DYNC2H1: variants seen among roughly 807,000 people sequenced by gnomAD.
DYNC2H1 encodes the protein cytoplasmic dynein 2 heavy chain 1.
DYNC2H1 carries 410 observed loss-of-function variants against 570.0 expected under a neutral mutation model. The observed-to-expected ratio is 0.72, with a 90% confidence interval of 0.66 to 0.78. DYNC2H1 has a LOEUF of 0.78. Among genes scored for constraint, DYNC2H1 ranks in the 30% least tolerant of loss-of-function variants. DYNC2H1 has a pLI of 0.00. For missense variants in DYNC2H1, 4,865 were observed against 5,046.4 expected, an observed-to-expected ratio of 0.96 and a Z score of 1.09; for synonymous variants, 1,688 against 1,677.6, an observed-to-expected ratio of 1.01 and a Z score of -0.15.
intron 84 of DYNC2H1, among the ~76,000 whole-genome samples, chr11:103,415,115 G>A (rs1364873348): frequency 1.3e-5 from 2 of 152,302 alleles, no homozygotes; most frequent in South Asian, 4.1e-4. Flanking sequence ...CTAGCCATAT[G>A]TAGAAAGCTG....
rs969274686 is a variant in DYNC2H1 at position 103,465,523 on chromosome 11, T to C, written c.12649-3066T>C. On this transcript the variant is annotated intron_variant, in intron 87 of 88. Coordinates refer to ENST00000375735, the MANE Select transcript of DYNC2H1 (RefSeq NM_001377.3). This position sits in a 1 kb window ranked among gnomAD's most constrained non-coding sequence, Gnocchi z 4.9. ...TTGCTCAAACTAGCTCAAAACTTAGTGGCTTAGAATACCAATTTATTATTT... is the reference window on the plus strand; with the variant it reads ...TTGCTCAAACTAGCTCAAAACTTAGCGGCTTAGAATACCAATTTATTATTT... Among the ~76,000 whole-genome samples the C allele has an allele frequency of 6.6e-6, 1 of 152,144 alleles. No homozygotes were observed. The highest frequency in any genetic ancestry group is 2.4e-5 in the African/African-American group (1 of 41,438).
chr11:103,371,064 A>G (rs1164250376), intron 83 of DYNC2H1, among the ~76,000 whole-genome samples: 1 of 152,152 alleles, frequency 6.6e-6, no homozygotes, highest in Middle Eastern at 3.2e-3. Context: ...AACTCAACAC[A>G]GAGAAGGAGC....
At chr11:103,414,312 A>C (rs1302554912) in intron 84 of DYNC2H1, among the ~76,000 whole-genome samples, 1 of 152,196 alleles carries the variant, frequency 6.6e-6, no homozygotes, top group African/African-American at 2.4e-5. Context: ...GGTGAAATAC[A>C]CAAATTCCTT....
chr11:103,152,405 A>T (rs1186724078), intron 21 of DYNC2H1, 120 bp downstream of exon 21: 1 of 860,588 alleles, frequency 1.2e-6, no homozygotes, highest in African/African-American at 1.8e-5. Flanking sequence ...GTTGAAATTG[A>T]CCTCCCTGAC....
chr11:103,456,952 C>G (rs996842667), intron 87 of DYNC2H1, among the ~76,000 whole-genome samples: 4 of 152,078 alleles, frequency 2.6e-5, no homozygotes, highest in Non-Finnish European at 2.9e-5. Context: ...GACTTGGGTC[C>G]CATCCCCAAG....
intron 82 of DYNC2H1, among the ~76,000 whole-genome samples, chr11:103,349,611 T>C (rs1384327132): frequency 2.0e-5 from 3 of 152,268 alleles, no homozygotes; most frequent in South Asian, 2.1e-4. Context: ...GCAAATAATA[T>C]AGCTCAGTAT....
At chr11:103,415,404 T>A (rs990229083) in intron 84 of DYNC2H1, among the ~76,000 whole-genome samples, 5 of 151,910 alleles carry the variant, frequency 3.3e-5, no homozygotes, top group African/African-American at 7.3e-5. Flanking sequence ...TGGGAGAAAA[T>A]TTTTGCAATC....
intron 20 of DYNC2H1, among the ~76,000 whole-genome samples, chr11:103,150,319 G>A (rs1226721070): frequency 6.8e-6 from 1 of 147,682 alleles, no homozygotes; most frequent in Non-Finnish European, 1.5e-5. Context: ...TGGTGGACAG[G>A]CCAGTTAGTA....
chr11:103,135,958 A>T lies in DYNC2H1; in HGVS notation c.2574+10A>T. On this transcript the variant is annotated intron_variant, in intron 17 of 88. Transcript: ENST00000375735. ...TTTACACCAACATAAGGTATAGAACATGTAATGTTCCATCCTTCCATCATA... is the reference window on the plus strand; with the variant it reads ...TTTACACCAACATAAGGTATAGAACTTGTAATGTTCCATCCTTCCATCATA... 5 of 1,553,056 alleles carry T rather than the reference A, an allele frequency of 3.2e-6. No individual in the cohort carries two copies. Among genetic ancestry groups the T allele is most frequent in the Non-Finnish European group, 4.4e-6 (5 of 1,147,354 alleles).
intron 84 of DYNC2H1, among the ~76,000 whole-genome samples, chr11:103,427,582 G>C (rs1223482197): frequency 6.6e-6 from 1 of 152,084 alleles, no homozygotes; most frequent in Non-Finnish European, 1.5e-5. Flanking sequence ...TGAAAGCTGG[G>C]AAGTCCAAGA....
intron 75 of DYNC2H1, among the ~76,000 whole-genome samples, chr11:103,298,755 A>T (rs1420198821): frequency 6.6e-6 from 1 of 152,154 alleles, no homozygotes; most frequent in Non-Finnish European, 1.5e-5. Flanking sequence ...TTGATTTTAA[A>T]TGTAATTTCT....
chr11:103,191,174 G>A (rs1862296200), intron 45 of DYNC2H1, among the ~76,000 whole-genome samples: 1 of 151,266 alleles, frequency 6.6e-6, no homozygotes, highest in Admixed American at 6.6e-5. Flanking sequence ...CAAGTAGCTG[G>A]GACTACAAGC....
chr11:103,262,137 G>A (rs543431756), intron 70 of DYNC2H1, among the ~76,000 whole-genome samples: 26 of 152,226 alleles, frequency 1.7e-4, no homozygotes, highest in African/African-American at 5.8e-4. Context: ...AAAGCATGAA[G>A]ACAAGATTAG....
intron 82 of DYNC2H1, among the ~76,000 whole-genome samples, chr11:103,342,649 C>G (rs551128162): frequency 4.0e-4 from 61 of 151,926 alleles, no homozygotes; most frequent in African/African-American, 1.5e-3. Flanking sequence ...ACTACAGGCG[C>G]CCACCACCAT....
chr11:103,254,251 C>T lies in DYNC2H1; in HGVS notation c.10206+803C>T, dbSNP rs928817931. 1.3e-5 allele frequency among the ~76,000 whole-genome samples: 2 copies of T among 152,110 alleles called. No individual in the cohort carries two copies. The highest frequency in any genetic ancestry group is 4.8e-5 in the African/African-American group (2 of 41,416). On this transcript the variant is annotated intron_variant, in intron 66 of 88. Coordinates refer to ENST00000375735, the MANE Select transcript of DYNC2H1 (RefSeq NM_001377.3). This position sits in a 1 kb window ranked among gnomAD's most constrained non-coding sequence, Gnocchi z 4.9. Reference sequence around the variant, plus strand: ...AAAACAATGTGACAATCATTCAAAACTTGGCAGAATTAATTGACAGAATTG... The same window carrying T: ...AAAACAATGTGACAATCATTCAAAATTTGGCAGAATTAATTGACAGAATTG...
intron 34 of DYNC2H1, 86 bp from the exon 35 acceptor site, chr11:103,172,996 A>G (rs768457867): frequency 8.4e-5 from 56 of 670,000 alleles, no homozygotes; most frequent in Non-Finnish European, 1.1e-4. Flanking sequence ...TTATGTTTAT[A>G]GTTTCAAATA....
In DYNC2H1 at chr11:103,256,279, C is replaced by A; in HGVS notation, c.10461+39C>A. ...TCTTTGTAATTTCGTATTATGTTTTCTTGAACATTTAGGTTAATATGATAG... is the reference window on the plus strand; with the variant it reads ...TCTTTGTAATTTCGTATTATGTTTTATTGAACATTTAGGTTAATATGATAG... On this transcript the variant is annotated intron_variant, in intron 68 of 88. Transcript: ENST00000375735. This position sits in a 1 kb window ranked among gnomAD's most constrained non-coding sequence, Gnocchi z 4.0. The A allele has an allele frequency of 6.5e-7, 1 of 1,545,556 alleles. No homozygotes were observed. Among genetic ancestry groups the A allele is most frequent in the South Asian group, 1.2e-5 (1 of 80,516 alleles).
intron 25 of DYNC2H1, 100 bp downstream of exon 25, chr11:103,155,601 G>T (rs1021446274): frequency 2.6e-6 from 3 of 1,173,704 alleles, no homozygotes; most frequent in Admixed American, 3.5e-5. Flanking sequence ...TTCCTTTAAG[G>T]GAATCAGCTT....
intron 28 of DYNC2H1, among the ~76,000 whole-genome samples, chr11:103,159,730 T>A (rs1861002725): frequency 6.6e-6 from 1 of 152,084 alleles, no homozygotes; most frequent in South Asian, 2.1e-4. Context: ...AGCAAACAGC[T>A]CTATAGAAAA....
Sources: gnomAD v4.1 joint callset for allele counts (sites outside exome capture counted in the v4.1 genomes callset) on GRCh38, gnomAD v4.1.1 for gene constraint, Gnocchi (gnomAD v3.1) non-coding constraint, MANE v1.5 for transcripts, NCBI Gene and HGNC (gene_info 2026-07-23, HGNC 2026-07-21) for gene names.